ABCA1: variants seen among roughly 807,000 people sequenced by gnomAD.
The protein encoded by ABCA1 is ATP binding cassette subfamily A member 1.
ABCA1 carries 133 observed loss-of-function variants against 262.5 expected under a neutral mutation model. The ratio of observed to expected loss-of-function variants is 0.51; its 90% CI spans 0.44 to 0.59. The LOEUF is 0.59. Among genes scored for constraint, ABCA1 ranks in the 20% least tolerant of loss-of-function variants. The probability of loss-of-function intolerance (pLI) is 0.00; values close to 1 mark genes in which losing one functional copy is unlikely to be tolerated. For synonymous variants in ABCA1, 1,022 were observed against 1,043.5 expected, an observed-to-expected ratio of 0.98 and a Z score of 0.40; for missense variants, 2,452 against 2,777.5, an observed-to-expected ratio of 0.88 and a Z score of 2.63.
chr9:104,784,504 A>T, intron 49 of ABCA1, 49 bp from the exon 50 acceptor site: 1 of 1,609,298 alleles, frequency 6.2e-7, no homozygotes, highest in South Asian at 1.1e-5. Flanking sequence ...CAACTTGCTC[A>T]TTCTTTATTC....
chr9:104,821,636 A>T, intron 19 of ABCA1, 130 bp from the exon 20 acceptor site: 6 of 1,064,598 alleles, frequency 5.6e-6, no homozygotes, highest in Non-Finnish European at 8.3e-6. Context: ...AATGAACCCT[A>T]CCAGACCCAC....
intron 5 of ABCA1, among the ~76,000 whole-genome samples, chr9:104,871,941 G>C (rs986512326): frequency 1.3e-5 from 2 of 152,180 alleles, no homozygotes; most frequent in African/African-American, 4.8e-5. Flanking sequence ...AGAAGTCCAG[G>C]CACAAAAAGA....
intron 2 of ABCA1, among the ~76,000 whole-genome samples, chr9:104,892,926 G>A (rs779443997): frequency 5.3e-5 from 8 of 152,138 alleles, no homozygotes; most frequent in Non-Finnish European, 1.2e-4. Context: ...TATGGTACAT[G>A]TACTCAACAA....
At chr9:104,855,581 A>C (rs1835766130) in intron 7 of ABCA1, 11 of 1,209,676 alleles carry the variant, frequency 9.1e-6, no homozygotes, top group Non-Finnish European at 1.2e-5. Flanking sequence ...ATCAACTTCT[A>C]TTTATTGAGC....
chr9:104,838,968 G>A (rs553324929), intron 9 of ABCA1, among the ~76,000 whole-genome samples: 8 of 152,194 alleles, frequency 5.3e-5, no homozygotes, highest in South Asian at 2.1e-4. Context: ...AGCAACTTGC[G>A]AATGTCTGGA....
At chr9:104,917,752 CAA>C (rs111680466) in intron 1 of ABCA1, among the ~76,000 whole-genome samples, 2 of 142,452 alleles carry the variant, frequency 1.4e-5, no homozygotes, top group Admixed American at 7.0e-5. Context: ...AGACTCGTCT[CAA>C]AAAAAAAAAG....
intron 49 of ABCA1, 109 bp from the exon 50 acceptor site, chr9:104,784,564 A>C: frequency 7.9e-7 from 1 of 1,270,292 alleles, no homozygotes; most frequent in South Asian, 1.3e-5. Flanking sequence ...GAGCATACAG[A>C]ATTACATAAA....
chr9:104,836,864 T>TC lies in ABCA1; in HGVS notation c.1311+115dup, dbSNP rs1225388085. ...GTGACTTTAGCTATGCTCACTACAT[T>TC]CCCCCAGCTAGATAAACTGAAAGAA... On this transcript the variant is annotated intron_variant, in intron 11 of 49. Coordinates refer to ENST00000374736, the MANE Select transcript of ABCA1 (RefSeq NM_005502.4). 7 of 841,340 alleles carry TC rather than the reference T, an allele frequency of 8.3e-6. No individual in the cohort carries two copies. The East Asian group carries it at 1.7e-4, about 21-fold the overall frequency. The allele number at this position is 841,340 out of a possible 1,614,324, so 52.1% of individuals were successfully genotyped here.
In ABCA1 at chr9:104,791,994, T is replaced by C. The variant is rs995195717; in HGVS notation, c.5762A>G (p.Tyr1921Cys). The C allele has an allele frequency of 1.9e-6, 3 of 1,612,912 alleles. No individual in the cohort carries two copies. In the Admixed American group the frequency reaches 5.0e-5, roughly 27 times the overall value. Residue 1921 changes from tyrosine (Y) to cysteine (C), a missense_variant, in exon 43 of 50, where the codon TAT (tyrosine) becomes TGT (cysteine). By Grantham distance (194) the Tyr-to-Cys change is radical. Transcript: ENST00000374736. ...ILEIKELTKI[Y>C]RRKRKPAVDR... is the part of the protein sequence containing the mutation. Reference sequence around the variant, plus strand: ...AACAGCAGGCTTCCGCTTCCTTCTATATATCTGCAACAAACAAAATGTAAA... The same window carrying C: ...AACAGCAGGCTTCCGCTTCCTTCTACATATCTGCAACAAACAAAATGTAAA...
chr9:104,845,530 G>C lies in ABCA1; in HGVS notation c.760C>G (p.Leu254Val), dbSNP rs757277447. 6.2e-6 allele frequency: 10 copies of C among 1,614,038 alleles called. No homozygotes were observed. Among genetic ancestry groups the C allele is most frequent in the Admixed American group, 1.7e-5 (1 of 60,018 alleles). The part of the protein sequence containing the change: ...NSTSPFPSKE[L>V]AEATKTLLHS... ...AGCAATGTTTTTGTGGCTTCAGCCA[G>C]CTCCTTGCTCGGGAAGGGAGATGTA... Residue 254 changes from leucine to valine, a missense_variant, in exon 8 of 50, where the codon CTG (leucine) becomes GTG (valine). Leu to Val is a conservative substitution (Grantham distance 32). This residue lies in a region of ABCA1 where 1,032 missense variants were observed against 1,089.7 expected (regional missense o/e 0.95). Coordinates refer to ENST00000374736, the MANE Select transcript of ABCA1 (RefSeq NM_005502.4).
At chr9:104,838,599 G>A (rs1300041969) in intron 9 of ABCA1, among the ~76,000 whole-genome samples, 74 of 149,820 alleles carry the variant, frequency 4.9e-4, no homozygotes, top group Non-Finnish European at 8.4e-4. Context: ...CCTGGGCAAC[G>A]GAGCGAGACT....
chr9:104,810,392 A>C (rs1831174853), intron 29 of ABCA1, among the ~76,000 whole-genome samples: 1 of 152,212 alleles, frequency 6.6e-6, no homozygotes, highest in African/African-American at 2.4e-5. Flanking sequence ...TAATAATTAC[A>C]TGAATTATAC....
Position 104,824,474 on chromosome 9 carries a change from T to G in ABCA1, c.2647A>C (p.Ile883Leu). 6.2e-7 allele frequency: 1 copy of G among 1,614,144 alleles called. No homozygotes were observed. Among genetic ancestry groups the G allele is most frequent in the South Asian group, 1.1e-5 (1 of 91,080 alleles). Residue 883 changes from isoleucine (I) to leucine (L), a missense_variant, in exon 18 of 50, where the codon ATA becomes CTA. Physicochemically the swap from Ile to Leu is conservative, Grantham distance 5. Transcript: ENST00000374736. ...KSHPGSNQKR[I>L]SEICMEEEPT... ...GGTCAACAGCACTTACTTTCTGATA[T>G]TCTCTTCTGGTTGGAACCAGGGTGG... is the stretch of plus-strand genomic sequence containing the variant.
At chr9:104,922,961 C>T (rs1284349089) in intron 1 of ABCA1, among the ~76,000 whole-genome samples, 1 of 152,200 alleles carries the variant, frequency 6.6e-6, no homozygotes, top group Admixed American at 6.5e-5. Context: ...AAGTGATCCT[C>T]CTGCTTTGGC....
chr9:104,809,739 A>G (rs1397685223), intron 29 of ABCA1, among the ~76,000 whole-genome samples, 175 bp from the exon 30 acceptor site: 1 of 152,182 alleles, frequency 6.6e-6, no homozygotes, highest in Non-Finnish European at 1.5e-5. Flanking sequence ...CTGGCCCTGT[A>G]TTCGGCATCA....
intron 28 of ABCA1, 28 bp from the exon 29 acceptor site, chr9:104,810,952 G>C (rs750235866): frequency 6.2e-7 from 1 of 1,613,808 alleles, no homozygotes; most frequent in South Asian, 1.1e-5. Context: ...AGGGGGCAGG[G>C]GGACAGCAGG....
chr9:104,884,592 AAC>A (rs1250860004), intron 3 of ABCA1, 24 bp from the exon 4 acceptor site: 14 of 1,613,958 alleles, frequency 8.7e-6, no homozygotes, highest in Non-Finnish European at 1.2e-5. Flanking sequence ...GGAGTAGAAA[AAC>A]ACAGGGAGAA....
rs749114734 is a variant in ABCA1, at chr9:104,861,720, T to C, written c.502A>G (p.Thr168Ala). 6 of 1,613,820 alleles carry C rather than the reference T, an allele frequency of 3.7e-6. No individual in the cohort carries two copies. Among genetic ancestry groups the C allele is most frequent in the East Asian group, 4.5e-5 (2 of 44,882 alleles). ...TCAGCCCTCAGCATCTTGTCCACAGTAGACTTTGGGAGAGAGAGGTTGTGA... is the reference window on the plus strand; with the variant it reads ...TCAGCCCTCAGCATCTTGTCCACAGCAGACTTTGGGAGAGAGAGGTTGTGA... Reference protein sequence around the residue: ...LYHNLSLPKSTVDKMLRADVI... With the variant: ...LYHNLSLPKSAVDKMLRADVI... The change falls in exon 6 of 50, where the codon ACT becomes GCT. Residue 168 changes from threonine (T) to alanine (A), a missense_variant. Physicochemically the swap from Thr to Ala is moderately conservative, Grantham distance 58. Around this residue, in one of 4 missense-constraint regions of ABCA1, gnomAD observed 1,032 missense variants for 1,089.7 expected, o/e 0.95. Coordinates refer to ENST00000374736, the MANE Select transcript of ABCA1 (RefSeq NM_005502.4).
At chr9:104,888,710 T>C (rs1839438800) in intron 3 of ABCA1, among the ~76,000 whole-genome samples, 1 of 152,234 alleles carries the variant, frequency 6.6e-6, no homozygotes, top group Non-Finnish European at 1.5e-5. Context: ...TCTACACAAA[T>C]GCTGCTTAAA....
Sources: allele counts gnomAD v4.1 joint callset (sites outside exome capture counted in the v4.1 genomes callset), GRCh38; gene constraint gnomAD v4.1.1; regional missense constraint gnomAD v4.1.1; transcripts MANE v1.5; gene names NCBI Gene and HGNC (gene_info 2026-07-23, HGNC 2026-07-21).